Variants in CAST observed in about 807,000 individuals in gnomAD.
The protein encoded by CAST is calpastatin, also known as MIR583 host.
A neutral mutation model predicts 119.6 loss-of-function variants in CAST; 76 were observed. The observed-to-expected ratio is 0.64, with a 90% CI of 0.53 to 0.77. The LOEUF (loss-of-function observed/expected upper bound fraction) is 0.77, where lower values mean the gene tolerates loss of function less well. CAST is among the 30% of genes least tolerant of loss of function. The pLI is 0.00. For synonymous variants in CAST, 319 were observed against 331.6 expected, an observed-to-expected ratio of 0.96 and a Z score of 0.41; for missense variants, 953 against 946.5, an observed-to-expected ratio of 1.01 and a Z score of -0.09.
the CAST span, among the ~76,000 whole-genome samples, chr5:96,103,288 T>G: frequency 6.6e-6 from 1 of 151,498 alleles, no homozygotes; most frequent in African/African-American, 2.4e-5. Context: ...CATGCTGGTG[T>G]GCTGCACCCA....
chr5:96,148,596 G>A, the CAST span, among the ~76,000 whole-genome samples: 12 of 152,268 alleles, frequency 7.9e-5, no homozygotes, highest in Admixed American at 2.6e-4. Context: ...CAGAGTCAGC[G>A]TTAGGATAAA....
chr5:96,432,094 A>G, the CAST span: 33 of 1,534,392 alleles, frequency 2.2e-5, no homozygotes, highest in Non-Finnish European at 2.6e-5. Flanking sequence ...TGGCTGAAGA[A>G]CAAGAAAGAA....
chr5:96,618,885 C>G (rs1747530073), intron 1 of CAST, among the ~76,000 whole-genome samples: 1 of 152,362 alleles, frequency 6.6e-6, no homozygotes, highest in South Asian at 2.1e-4. Flanking sequence ...CTGCCCGCAG[C>G]CCCGGCACAG....
At chr5:96,560,602 T>G (rs1746338968) in intron 1 of CAST, among the ~76,000 whole-genome samples, 1 of 152,158 alleles carries the variant, frequency 6.6e-6, no homozygotes, top group South Asian at 2.1e-4. Flanking sequence ...CATGAAAAAT[T>G]GCTCATCATT....
chr5:96,611,119 C>G (rs1156746691), intron 1 of CAST, among the ~76,000 whole-genome samples: 1 of 152,130 alleles, frequency 6.6e-6, no homozygotes, highest in African/African-American at 2.4e-5. Flanking sequence ...AAATTACCAA[C>G]ATTATTTTTT....
At chr5:96,581,893 AAAAT>A (rs10631862) in intron 1 of CAST, among the ~76,000 whole-genome samples, 11,348 of 149,272 alleles carry the variant, frequency 0.076, 946 homozygotes, top group East Asian at 0.32. Context: ...TCTGTCTCAA[AAAAT>A]AAATAAATAA....
the CAST span, chr5:96,412,904 C>A: frequency 1.1e-6 from 1 of 915,020 alleles, no homozygotes; most frequent in Non-Finnish European, 1.3e-6. Context: ...CCCTCCCACC[C>A]CAACTAAATG....
chr5:96,431,856 C>T, the CAST span, among the ~76,000 whole-genome samples: 5 of 152,106 alleles, frequency 3.3e-5, no homozygotes, highest in Non-Finnish European at 7.4e-5. Context: ...CGCTTCAATG[C>T]AGACCAACTT....
the CAST span, among the ~76,000 whole-genome samples, chr5:96,236,904 CTT>C: frequency 6.6e-6 from 1 of 152,164 alleles, no homozygotes; most frequent in Non-Finnish European, 1.5e-5. Context: ...GCAACCCTGT[CTT>C]TGAAAAGCCA....
intron 1 of CAST, chr5:96,631,140 G>A (rs1477068876): frequency 7.2e-6 from 1 of 139,860 alleles, no homozygotes; most frequent in African/African-American, 2.5e-5. Flanking sequence ...ATACTTCACA[G>A]GACATAAAAT....
In CAST at chr5:96,765,324, AGG is replaced by A; in HGVS notation, c.2037_2037+1del. 1 of 1,103,622 alleles carries A rather than the reference AGG, an allele frequency of 9.1e-7. No homozygotes were observed. The highest frequency in any genetic ancestry group is 1.3e-6 in the Non-Finnish European group (1 of 790,052). 68.4% of individuals were successfully genotyped at this position (1,103,622 alleles called of 1,614,324 possible). A position where few individuals can be genotyped will look rare whatever the true frequency, so the allele number is the denominator to read the frequency against. ...AACAAACCAATGGAAGATAAAGTAAAGGTAAAAAAAAAAAAAAAAAAAAAAAA... is the reference window on the plus strand; with the variant it reads ...AACAAACCAATGGAAGATAAAGTAAATAAAAAAAAAAAAAAAAAAAAAAAA... On this transcript the variant is annotated splice_donor_variant and coding_sequence_variant, in exon 26 of 32. Transcript: ENST00000675179. LOFTEE classifies it high-confidence loss of function.
At chr5:96,533,355 G>A (rs1168772416) in intron 1 of CAST, among the ~76,000 whole-genome samples, 1 of 152,082 alleles carries the variant, frequency 6.6e-6, no homozygotes, top group Non-Finnish European at 1.5e-5. Flanking sequence ...TTAGAGCTCA[G>A]AGAGAAAAAA....
chr5:96,328,383 C>T, the CAST span, among the ~76,000 whole-genome samples: 2 of 2,660 alleles, frequency 7.5e-4, no homozygotes, highest in Non-Finnish European at 8.8e-4. Flanking sequence ...TTCTCTCTCC[C>T]TCTCTCTCTC....
chr5:96,640,453 T>G (rs1747936164), intron 1 of CAST, among the ~76,000 whole-genome samples: 1 of 152,232 alleles, frequency 6.6e-6, no homozygotes, highest in Admixed American at 6.5e-5. Context: ...ACCTTTATGC[T>G]TTACTCTTCT....
the CAST span, among the ~76,000 whole-genome samples, chr5:96,098,372 T>G: frequency 6.6e-6 from 1 of 152,086 alleles, no homozygotes; most frequent in African/African-American, 2.4e-5. Flanking sequence ...TTGCTTTTAG[T>G]GTCTTTTATC....
At chr5:96,572,965 C>G (rs557272520) in intron 1 of CAST, among the ~76,000 whole-genome samples, 155 of 152,284 alleles carry the variant, frequency 1.0e-3, no homozygotes, top group African/African-American at 3.6e-3. Context: ...GTGTTCACAA[C>G]AAGATAGAAG....
At chr5:96,162,207 C>A in the CAST span, among the ~76,000 whole-genome samples, 1 of 152,184 alleles carries the variant, frequency 6.6e-6, no homozygotes, top group South Asian at 2.1e-4. Context: ...GGGAGTAAAG[C>A]ATTCAGTCTT....
exon 32 of CAST, chr5:96,774,682 A>AATCT (rs1379681499): frequency 3.3e-5 from 32 of 982,416 alleles, no homozygotes; most frequent in South Asian, 1.3e-3. Flanking sequence ...TTTACATTAA[A>AATCT]ATCTTGGTTG....
the CAST span, among the ~76,000 whole-genome samples, chr5:96,166,889 A>G: frequency 6.6e-6 from 1 of 152,084 alleles, no homozygotes; most frequent in Non-Finnish European, 1.5e-5. Flanking sequence ...GGGTGGTGAA[A>G]ATGTTTGGAG....
Sources: gnomAD v4.1 joint callset for allele counts (sites outside exome capture counted in the v4.1 genomes callset) on GRCh38, gnomAD v4.1.1 for gene constraint, MANE v1.5 for transcripts, NCBI Gene and HGNC (gene_info 2026-07-23, HGNC 2026-07-21) for gene names.